The following METTL15 variants were observed in gnomAD, a reference collection of about 807,000 sequenced individuals.
METTL15 encodes the protein 12S rRNA N(4)-cytidine methyltransferase METTL15.
METTL15 carries 34 observed loss-of-function variants against 38.3 expected under a neutral mutation model. The observed-to-expected ratio is 0.89, with a 90% confidence interval of 0.68 to 1.18. METTL15 has a LOEUF of 1.18. METTL15 is among the 50% of genes most tolerant of loss of function. The pLI, the probability that METTL15 is intolerant of heterozygous loss-of-function variation, is 0.00. For synonymous variants in METTL15, 162 were observed against 170.9 expected (o/e 0.95, Z 0.41); for missense variants, 438 against 498.4 (o/e 0.88, Z 1.15).
chr11:28,177,438 G>T, intron 3 of METTL15, among the ~76,000 whole-genome samples: 1 of 152,042 alleles, frequency 6.6e-6, no homozygotes, highest in Non-Finnish European at 1.5e-5. Flanking sequence ...TGTTTCATTC[G>T]AGACAAGTGT....
chr11:28,320,217 A>T (rs1236750254), intron 6 of METTL15, among the ~76,000 whole-genome samples: 3 of 143,508 alleles, frequency 2.1e-5, no homozygotes, highest in Non-Finnish European at 4.5e-5. Context: ...GTGAAAACAA[A>T]GGGGGTGGTT....
At chr11:28,239,292 G>A (rs752902591) in intron 4 of METTL15, among the ~76,000 whole-genome samples, 6 of 152,082 alleles carry the variant, frequency 3.9e-5, no homozygotes, top group Non-Finnish European at 5.9e-5. Context: ...TCTGTTAAGG[G>A]CAATTCTATT....
At chr11:28,358,871 G>A (rs917417485) in intron 4 of METTL15, among the ~76,000 whole-genome samples, 1 of 152,136 alleles carries the variant, frequency 6.6e-6, no homozygotes, top group Non-Finnish European at 1.5e-5. Context: ...ATTTGTTAGG[G>A]TCACAGAGAA....
intron 5 of METTL15, among the ~76,000 whole-genome samples, chr11:28,376,833 G>C (rs908227717): frequency 6.8e-6 from 1 of 146,296 alleles, no homozygotes; most frequent in South Asian, 2.3e-4. Flanking sequence ...CTTCCTTCAG[G>C]AGCTCTTTTA....
At chr11:28,491,223 G>C (rs1242602477) in intron 6 of METTL15, among the ~76,000 whole-genome samples, 1 of 152,080 alleles carries the variant, frequency 6.6e-6, no homozygotes, top group East Asian at 1.9e-4. Flanking sequence ...AGTTGCATAA[G>C]AGTACAAAGC....
chr11:28,213,188 C>G lies in METTL15; in HGVS notation c.407+1990C>G, dbSNP rs192735959. 9.0e-4 allele frequency among the ~76,000 whole-genome samples: 136 copies of G among 151,680 alleles called. 1 individual carries two copies. Among genetic ancestry groups the G allele is most frequent in the African/African-American group, 3.3e-3 (135 of 41,324 alleles). On this transcript the variant is annotated intron_variant, in intron 4 of 6. Coordinates refer to ENST00000407364, the MANE Select transcript of METTL15 (RefSeq NM_001113528.2). ...CTGACAAAATGATTTCTTTGTCAAA[C>G]ATAATAAATTAGATAAGAACAAGGA...
intron 4 of METTL15, among the ~76,000 whole-genome samples, chr11:28,360,610 T>C (rs1438381254): frequency 6.6e-6 from 1 of 152,118 alleles, no homozygotes; most frequent in Non-Finnish European, 1.5e-5. Context: ...CTCTAGAATC[T>C]AGGAAGCCTG....
chr11:28,513,905 C>A (rs1851697852), intron 6 of METTL15, among the ~76,000 whole-genome samples: 1 of 152,200 alleles, frequency 6.6e-6, no homozygotes, highest in South Asian at 2.1e-4. Context: ...CTAGCGTGGG[C>A]ATTATGACCA....
At chr11:28,386,457 G>T (rs1476359832) in intron 5 of METTL15, among the ~76,000 whole-genome samples, 1 of 151,750 alleles carries the variant, frequency 6.6e-6, no homozygotes. Flanking sequence ...TAGACTTTAA[G>T]TTAAAAATTG....
chr11:28,355,909 AT>A (rs1244913394), intron 4 of METTL15, among the ~76,000 whole-genome samples: 4 of 152,120 alleles, frequency 2.6e-5, no homozygotes, highest in African/African-American at 9.7e-5. Context: ...ACTTTATCTT[AT>A]ACTATCTTTT....
intron 6 of METTL15, among the ~76,000 whole-genome samples, chr11:28,325,462 T>A (rs753723317): frequency 1.3e-5 from 2 of 152,210 alleles, no homozygotes; most frequent in African/African-American, 2.4e-5. Flanking sequence ...AGGTTTGATA[T>A]ACAGGCTTGG....
intron 4 of METTL15, among the ~76,000 whole-genome samples, chr11:28,223,886 A>G (rs117274359): frequency 1.1e-3 from 161 of 152,210 alleles, no homozygotes; most frequent in Non-Finnish European, 1.9e-3. Flanking sequence ...GAAGATGGAT[A>G]TTGGAAGACA....
At chr11:28,137,663 T>C (rs190309746) in intron 3 of METTL15, among the ~76,000 whole-genome samples, 3 of 152,366 alleles carry the variant, frequency 2.0e-5, no homozygotes, top group South Asian at 2.1e-4. Flanking sequence ...ACCTAGTATC[T>C]GACCAGCATA....
intron 4 of METTL15, among the ~76,000 whole-genome samples, chr11:28,235,687 C>CA (rs1787226019): frequency 6.6e-6 from 1 of 151,846 alleles, no homozygotes; most frequent in Non-Finnish European, 1.5e-5. Context: ...AGTTGCTTAT[C>CA]AGCTTAAGGA....
At chr11:28,450,704 GA>G (rs1254679243) in intron 6 of METTL15, among the ~76,000 whole-genome samples, 1 of 152,180 alleles carries the variant, frequency 6.6e-6, no homozygotes, top group Non-Finnish European at 1.5e-5. Flanking sequence ...CTTTTGAAAT[GA>G]TAAGCCATAA....
intron 3 of METTL15, among the ~76,000 whole-genome samples, chr11:28,148,699 A>G (rs951614575): frequency 6.6e-6 from 1 of 151,934 alleles, no homozygotes; most frequent in Non-Finnish European, 1.5e-5. Context: ...ACAGTAGTTT[A>G]TCACATGTAA....
intron 3 of METTL15, among the ~76,000 whole-genome samples, chr11:28,144,733 A>G (rs1849820014): frequency 6.6e-6 from 1 of 152,070 alleles, no homozygotes; most frequent in South Asian, 2.1e-4. Context: ...TGGTCTGCTT[A>G]TATTAAAGGA....
At chr11:28,123,850 C>T in intron 3 of METTL15, 2 of 1,439,162 alleles carry the variant, frequency 1.4e-6, no homozygotes, top group Non-Finnish European at 9.3e-7. Flanking sequence ...ATGTATTTTT[C>T]TTTCTGGCAA....
chr11:28,451,649 A>C (rs1173773554), intron 6 of METTL15, among the ~76,000 whole-genome samples: 1 of 152,138 alleles, frequency 6.6e-6, no homozygotes, highest in Non-Finnish European at 1.5e-5. Flanking sequence ...TGGCATGGTA[A>C]ATAAGGAAAT....
Sources: allele counts gnomAD v4.1 joint callset (sites outside exome capture counted in the v4.1 genomes callset), GRCh38; gene constraint gnomAD v4.1.1; transcripts MANE v1.5; gene names NCBI Gene and HGNC (gene_info 2026-07-23, HGNC 2026-07-21).